TMCC1: variants seen among roughly 807,000 people sequenced by gnomAD.
TMCC1 encodes transmembrane and coiled-coil domain family 1.
In TMCC1, 15 loss-of-function variants were observed where a neutral mutation model predicts 52.4. The observed-to-expected ratio is 0.29, with a 90% CI of 0.19 to 0.44. TMCC1 has a LOEUF of 0.44. Ranked by LOEUF, TMCC1 falls within the 20% of genes least tolerant of loss-of-function variation. TMCC1 has a pLI of 1.00. For synonymous variants in TMCC1, 279 were observed against 301.9 expected, an observed-to-expected ratio of 0.92 and a Z score of 0.79; for missense variants, 503 against 806.0, an observed-to-expected ratio of 0.62 and a Z score of 4.55.
intron 4 of TMCC1, among the ~76,000 whole-genome samples, chr3:129,728,904 T>C (rs1352785263): frequency 1.3e-5 from 2 of 152,226 alleles, no homozygotes; most frequent in African/African-American, 2.4e-5. Flanking sequence ...TCATAGTTCA[T>C]TCCTTTTCAT....
At chr3:129,809,737 A>C (rs1479223383) in intron 4 of TMCC1, among the ~76,000 whole-genome samples, 1 of 152,238 alleles carries the variant, frequency 6.6e-6, no homozygotes, top group East Asian at 1.9e-4. Context: ...AAAAAAGAAT[A>C]GCTTTTGGTA....
At chr3:129,748,043 T>C (rs1362976294) in intron 4 of TMCC1, among the ~76,000 whole-genome samples, 2 of 152,166 alleles carry the variant, frequency 1.3e-5, no homozygotes, top group African/African-American at 2.4e-5. Flanking sequence ...TTTGAATAAC[T>C]AGGAAAACAT....
chr3:129,671,222 C>A lies in TMCC1; in HGVS notation c.619G>T (p.Ala207Ser), dbSNP rs1427823990. Reference protein sequence around the residue: ...EVSSLAQTSSAVASSTDGSIH... With the variant: ...EVSSLAQTSSSVASSTDGSIH... ...CTGCCATCGGTACTGGAGGCCACTG[C>A]ACTGGATGTTTGGGCAAGGCTGCTT... Residue 207 changes from alanine to serine, a missense_variant, in exon 5 of 7, where the codon GCA becomes TCA. Coordinates refer to ENST00000393238, the MANE Select transcript of TMCC1 (RefSeq NM_001017395.5). 2.5e-6 allele frequency: 4 copies of A among 1,613,772 alleles called. No homozygotes were observed. Among genetic ancestry groups the A allele is most frequent in the Non-Finnish European group, 3.4e-6 (4 of 1,179,882 alleles).
chr3:129,841,346 G>C (rs1009351317), intron 2 of TMCC1, among the ~76,000 whole-genome samples: 1 of 152,208 alleles, frequency 6.6e-6, no homozygotes. Context: ...CGGCACTTTG[G>C]GAGGCCAAGG....
In TMCC1 at chr3:129,856,067, C is replaced by T. The variant is rs182897063; in HGVS notation, c.-183-23241G>A. ...ATACTACAGTTACATAAGATGCCACCACTGGGGGAAGCTAGGGGAAGGATT... is the reference window on the plus strand; with the variant it reads ...ATACTACAGTTACATAAGATGCCACTACTGGGGGAAGCTAGGGGAAGGATT... On this transcript the variant is annotated intron_variant, in intron 2 of 6. Transcript: ENST00000393238. Among the ~76,000 whole-genome samples the T allele has an allele frequency of 4.6e-5, 7 of 152,244 alleles. No individual in the cohort carries two copies. In the East Asian group the frequency reaches 1.4e-3, roughly 29 times the overall value.
chr3:129,863,785 C>G (rs1370160422), intron 2 of TMCC1, among the ~76,000 whole-genome samples: 6 of 152,024 alleles, frequency 3.9e-5, no homozygotes, highest in Non-Finnish European at 7.4e-5. Context: ...TCGCTTGAAC[C>G]CGGGAGGTGG....
At chr3:129,888,133 G>A (rs920294895) in intron 1 of TMCC1, among the ~76,000 whole-genome samples, 2 of 152,184 alleles carry the variant, frequency 1.3e-5, no homozygotes, top group Non-Finnish European at 2.9e-5. Flanking sequence ...ACCACTATAC[G>A]TGTATGCTGG....
intron 4 of TMCC1, among the ~76,000 whole-genome samples, chr3:129,757,676 A>C (rs943425404): frequency 1.3e-5 from 2 of 152,040 alleles, no homozygotes; most frequent in African/African-American, 4.8e-5. Flanking sequence ...AACAAACAAA[A>C]AAATTAGCCA....
At chr3:129,851,328 G>C (rs1246390052) in intron 2 of TMCC1, among the ~76,000 whole-genome samples, 1 of 151,990 alleles carries the variant, frequency 6.6e-6, no homozygotes, top group Non-Finnish European at 1.5e-5. Context: ...TAGCTTTTGA[G>C]GAAAGAAAAA....
At chr3:129,740,480 T>C (rs992819165) in intron 4 of TMCC1, among the ~76,000 whole-genome samples, 1 of 152,196 alleles carries the variant, frequency 6.6e-6, no homozygotes, top group Non-Finnish European at 1.5e-5. Context: ...GTACTTCCTT[T>C]CTGGTATGAC....
At chr3:129,846,407 T>A (rs1390782318) in intron 2 of TMCC1, among the ~76,000 whole-genome samples, 8 of 152,242 alleles carry the variant, frequency 5.3e-5, no homozygotes, top group Admixed American at 5.2e-4. Context: ...CCATTTATGC[T>A]TTCTCCTTCA....
intron 4 of TMCC1, among the ~76,000 whole-genome samples, chr3:129,827,160 C>T (rs1240929046): frequency 6.6e-6 from 1 of 152,230 alleles, no homozygotes; most frequent in Non-Finnish European, 1.5e-5. Flanking sequence ...CCTGAGTTTT[C>T]AAACCCTAGC....
chr3:129,730,700 G>C (rs757752165), intron 4 of TMCC1, among the ~76,000 whole-genome samples: 9 of 152,156 alleles, frequency 5.9e-5, no homozygotes, highest in Non-Finnish European at 1.0e-4. Flanking sequence ...AGGTCCTGCT[G>C]AGATTTCTGA....
chr3:129,850,431 A>G (rs1470817293), intron 2 of TMCC1, among the ~76,000 whole-genome samples: 1 of 152,232 alleles, frequency 6.6e-6, no homozygotes, highest in Non-Finnish European at 1.5e-5. Flanking sequence ...CTTCTGTGAA[A>G]TAACTTGCAT....
At chr3:129,887,456 C>G (rs1484146427) in intron 1 of TMCC1, among the ~76,000 whole-genome samples, 1 of 150,950 alleles carries the variant, frequency 6.6e-6, no homozygotes, top group African/African-American at 2.4e-5. Flanking sequence ...GCAGAAGAAT[C>G]ACTTGAACCC....
At chr3:129,856,424 T>C (rs1009071220) in intron 2 of TMCC1, among the ~76,000 whole-genome samples, 4 of 152,194 alleles carry the variant, frequency 2.6e-5, no homozygotes, top group African/African-American at 9.7e-5. Flanking sequence ...CAGAATTCCA[T>C]TGCAACAACT....
intron 2 of TMCC1, among the ~76,000 whole-genome samples, chr3:129,840,691 T>C (rs2059385377): frequency 6.6e-6 from 1 of 152,200 alleles, no homozygotes. Flanking sequence ...TTTAAAAGTA[T>C]GTGACAGTTC....
At chr3:129,680,666 T>C (rs2108917558) in intron 4 of TMCC1, among the ~76,000 whole-genome samples, 1 of 152,266 alleles carries the variant, frequency 6.6e-6, no homozygotes, top group African/African-American at 2.4e-5. Context: ...TTTGGGAGGC[T>C]GAGGCGAGTG....
chr3:129,857,593 G>A (rs988145683), intron 2 of TMCC1, among the ~76,000 whole-genome samples: 4 of 150,888 alleles, frequency 2.7e-5, no homozygotes, highest in African/African-American at 7.3e-5. Flanking sequence ...ACGGAGTCTC[G>A]CTCTGTCACA....
Sources: gnomAD v4.1 joint callset for allele counts (sites outside exome capture counted in the v4.1 genomes callset) on GRCh38, gnomAD v4.1.1 for gene constraint, MANE v1.5 for transcripts, NCBI Gene and HGNC (gene_info 2026-07-23, HGNC 2026-07-21) for gene names.